The following SPAG16 variants were observed in gnomAD, a reference collection of about 807,000 sequenced individuals.
SPAG16 encodes sperm-associated antigen 16 protein.
A neutral mutation model predicts 80.4 loss-of-function variants in SPAG16; 86 were observed. That is an observed-to-expected ratio of 1.07 (90% CI 0.90 to 1.28). SPAG16 has a LOEUF of 1.28. Ranked by LOEUF, SPAG16 falls within the 50% of genes most tolerant of loss-of-function variation. The pLI, the probability that SPAG16 is intolerant of heterozygous loss-of-function variation, is 0.00. For missense variants in SPAG16, 870 were observed against 765.3 expected (o/e 1.14, Z -1.61); for synonymous variants, 294 against 265.9 (o/e 1.11, Z -1.03).
At chr2:213,405,424 C>G (rs537902674) in intron 9 of SPAG16, among the ~76,000 whole-genome samples, 7 of 152,130 alleles carry the variant, frequency 4.6e-5, no homozygotes, top group East Asian at 1.9e-4. Context: ...ATGATCAAAT[C>G]TGGGTAAATG....
At chr2:213,668,129 C>T (rs935278939) in intron 10 of SPAG16, among the ~76,000 whole-genome samples, 10 of 151,770 alleles carry the variant, frequency 6.6e-5, no homozygotes, top group Non-Finnish European at 8.8e-5. Flanking sequence ...TTAGTAGAAA[C>T]GGTTTCACCA....
chr2:213,617,193 A>G (rs1203907206), intron 10 of SPAG16, among the ~76,000 whole-genome samples: 1 of 152,174 alleles, frequency 6.6e-6, no homozygotes, highest in Non-Finnish European at 1.5e-5. Context: ...ATTGAAGCTA[A>G]TTGCTATTCC....
At chr2:214,227,852 T>A (rs1688384850) in intron 15 of SPAG16, among the ~76,000 whole-genome samples, 1 of 151,812 alleles carries the variant, frequency 6.6e-6, no homozygotes, top group Non-Finnish European at 1.5e-5. Context: ...AATGGCTAGT[T>A]TAGAGATGGA....
At chr2:214,250,747 T>TAGAGAGAGAG (rs1175910690) in intron 15 of SPAG16, among the ~76,000 whole-genome samples, 66 of 90,436 alleles carry the variant, frequency 7.3e-4, no homozygotes, top group Non-Finnish European at 1.2e-3. Context: ...TATATATATA[T>TAGAGAGAGAG]ATATATATAT....
chr2:213,716,584 AT>A (rs1252788886), intron 10 of SPAG16, among the ~76,000 whole-genome samples: 1 of 152,136 alleles, frequency 6.6e-6, no homozygotes, highest in African/African-American at 2.4e-5. Context: ...CTTACCAACT[AT>A]TTTTTTGAGG....
At chr2:214,175,740 C>T (rs568323241) in intron 15 of SPAG16, among the ~76,000 whole-genome samples, 2 of 150,762 alleles carry the variant, frequency 1.3e-5, no homozygotes, top group South Asian at 2.1e-4. Flanking sequence ...GAAAACAGTT[C>T]CTGGTCAGAA....
At chr2:214,176,890 A>ACACTGGCTT (rs1323006080) in intron 15 of SPAG16, among the ~76,000 whole-genome samples, 1 of 151,180 alleles carries the variant, frequency 6.6e-6, no homozygotes, top group African/African-American at 2.4e-5. Context: ...TTTTAAAATT[A>ACACTGGCTT]CACTGGCTTT....
chr2:213,989,571 G>A (rs969146799), intron 12 of SPAG16, among the ~76,000 whole-genome samples: 8 of 151,974 alleles, frequency 5.3e-5, no homozygotes, highest in Non-Finnish European at 1.2e-4. Context: ...ATGGCTTCAG[G>A]ATAGACCACA....
chr2:213,957,342 A>G (rs948664528), intron 12 of SPAG16, among the ~76,000 whole-genome samples: 1 of 152,148 alleles, frequency 6.6e-6, no homozygotes, highest in Non-Finnish European at 1.5e-5. Flanking sequence ...TTCTTGCAAT[A>G]TTGAAACTTT....
chr2:214,023,462 G>A (rs1033765360), intron 13 of SPAG16, among the ~76,000 whole-genome samples: 1 of 151,170 alleles, frequency 6.6e-6, no homozygotes, highest in African/African-American at 2.4e-5. Context: ...AAGATTTTCA[G>A]AACTTACAGT....
chr2:214,190,940 G>A (rs1477803594), intron 15 of SPAG16, among the ~76,000 whole-genome samples: 7 of 152,126 alleles, frequency 4.6e-5, no homozygotes, highest in African/African-American at 9.7e-5. Flanking sequence ...GAAAAGTGCT[G>A]TAAATACATA....
At chr2:213,957,543 C>T (rs72950764) in intron 12 of SPAG16, among the ~76,000 whole-genome samples, 22,571 of 151,494 alleles carry the variant, frequency 0.15, 2,048 homozygotes, top group Non-Finnish European at 0.21. Flanking sequence ...GGTTTTTAAT[C>T]CATTCTGCTA....
intron 10 of SPAG16, among the ~76,000 whole-genome samples, chr2:213,592,259 T>C (rs1424668354): frequency 2.0e-4 from 31 of 152,208 alleles, no homozygotes; most frequent in Admixed American, 2.0e-3. Context: ...ACACACATAA[T>C]GATAAAGTAG....
intron 10 of SPAG16, among the ~76,000 whole-genome samples, chr2:213,728,126 G>A (rs1022840776): frequency 5.3e-5 from 8 of 152,188 alleles, no homozygotes; most frequent in African/African-American, 1.9e-4. Flanking sequence ...TTGGATTACA[G>A]ACGTGAACCA....
Position 213,297,258 on chromosome 2 carries a change from C to A in SPAG16, c.184-4C>A. On this transcript the variant is annotated splice_polypyrimidine_tract_variant and splice_region_variant and intron_variant, in intron 2 of 15. Coordinates refer to ENST00000331683, the MANE Select transcript of SPAG16 (RefSeq NM_024532.5). ...TCCTATCCTTCTCTTTCTCTGTGAT[C>A]TAGATACCAGATGACAATTTTAGCA... 6.2e-7 allele frequency: 1 copy of A among 1,602,088 alleles called. No homozygotes were observed. The highest frequency in any genetic ancestry group is 1.1e-5 in the South Asian group (1 of 89,860).
chr2:213,522,127 A>C (rs1294234717), intron 10 of SPAG16, among the ~76,000 whole-genome samples: 2 of 152,254 alleles, frequency 1.3e-5, no homozygotes, highest in Non-Finnish European at 2.9e-5. Flanking sequence ...GTAAGAAATT[A>C]GCCAGGAATG....
chr2:214,262,190 A>T (rs1031462824), intron 15 of SPAG16, among the ~76,000 whole-genome samples: 2 of 152,102 alleles, frequency 1.3e-5, no homozygotes, highest in Non-Finnish European at 2.9e-5. Context: ...TGTATTATAT[A>T]AGAAAAACAT....
At chr2:214,255,464 A>AC (rs1690612031) in intron 15 of SPAG16, among the ~76,000 whole-genome samples, 2 of 151,928 alleles carry the variant, frequency 1.3e-5, no homozygotes, top group South Asian at 4.1e-4. Context: ...CTATCTTCCT[A>AC]CCCTTACATC....
chr2:214,204,921 T>C (rs558961415), intron 15 of SPAG16, among the ~76,000 whole-genome samples: 24 of 152,112 alleles, frequency 1.6e-4, no homozygotes, highest in Non-Finnish European at 2.8e-4. Context: ...TCCAAATTAA[T>C]GAAATCAAAA....
Sources: allele counts gnomAD v4.1 joint callset (sites outside exome capture counted in the v4.1 genomes callset), GRCh38; gene constraint gnomAD v4.1.1; transcripts MANE v1.5; gene names NCBI Gene and HGNC (gene_info 2026-07-23, HGNC 2026-07-21).